The following RBFOX1 variants were observed in gnomAD, a reference collection of about 807,000 sequenced individuals.
The protein encoded by RBFOX1 is RNA binding fox-1 homolog 1.
RBFOX1 carries 8 observed loss-of-function variants against 57.7 expected under a neutral mutation model. That is an observed-to-expected ratio of 0.14 (90% CI 0.08 to 0.25). The LOEUF (loss-of-function observed/expected upper bound fraction) is 0.25, where lower values mean the gene tolerates loss of function less well. Among genes scored for constraint, RBFOX1 ranks in the 10% least tolerant of loss-of-function variants. The pLI, the probability that RBFOX1 is intolerant of heterozygous loss-of-function variation, is 1.00. For missense variants in RBFOX1, 611 were observed against 548.5 expected, an observed-to-expected ratio of 1.11 and a Z score of -1.14; for synonymous variants, 326 against 222.4, an observed-to-expected ratio of 1.47 and a Z score of -4.15.
At chr16:5,312,363 G>A (rs1159104829) in intron 1 of RBFOX1, among the ~76,000 whole-genome samples, 1 of 152,142 alleles carries the variant, frequency 6.6e-6, no homozygotes, top group African/African-American at 2.4e-5. Context: ...CTGTCACTCA[G>A]GCTGGAGTGC....
intron 1 of RBFOX1, among the ~76,000 whole-genome samples, chr16:5,360,934 A>G (rs2151337645): frequency 6.6e-6 from 1 of 152,300 alleles, no homozygotes; most frequent in South Asian, 2.1e-4. Flanking sequence ...AGAAGCCTCC[A>G]GTGCCCACGG....
At chr16:5,584,627 T>C (rs2046774868) in intron 2 of RBFOX1, among the ~76,000 whole-genome samples, 1 of 152,220 alleles carries the variant, frequency 6.6e-6, no homozygotes, top group South Asian at 2.1e-4. Context: ...CATTGTCTCC[T>C]GAGTGTGGTT....
At chr16:6,862,142 G>T (rs1307446726) in intron 3 of RBFOX1, among the ~76,000 whole-genome samples, 1 of 152,138 alleles carries the variant, frequency 6.6e-6, no homozygotes, top group African/African-American at 2.4e-5. Flanking sequence ...AACAACAAAA[G>T]AGTTTTTCAT....
chr16:6,391,439 G>A (rs1259729041), intron 2 of RBFOX1, among the ~76,000 whole-genome samples: 1 of 151,738 alleles, frequency 6.6e-6, no homozygotes, highest in Admixed American at 6.6e-5. Context: ...GAACCCGGGA[G>A]GTGGAGCTTG....
chr16:7,151,446 C>T (rs929801424), intron 4 of RBFOX1, among the ~76,000 whole-genome samples: 8 of 152,062 alleles, frequency 5.3e-5, no homozygotes, highest in South Asian at 2.1e-4. Context: ...TTTACTTGTT[C>T]GTCATCCTTC....
chr16:6,645,791 G>T (rs528488414), intron 2 of RBFOX1, among the ~76,000 whole-genome samples: 1 of 152,146 alleles, frequency 6.6e-6, no homozygotes, highest in Admixed American at 6.5e-5. Context: ...TAAGACCCTG[G>T]CGTGTATTGG....
At chr16:6,004,722 G>A (rs1354272179) in intron 4 of RBFOX1, among the ~76,000 whole-genome samples, 1 of 152,154 alleles carries the variant, frequency 6.6e-6, no homozygotes, top group East Asian at 1.9e-4. Flanking sequence ...AGGGTATATT[G>A]ATACTCGGCC....
At chr16:7,289,303 A>G (rs544451148) in intron 4 of RBFOX1, among the ~76,000 whole-genome samples, 27 of 152,290 alleles carry the variant, frequency 1.8e-4, no homozygotes, top group Admixed American at 5.2e-4. Context: ...GCCTAAGAGA[A>G]CAGGGCTGGC....
At chr16:7,111,624 A>C (rs2064793884) in intron 4 of RBFOX1, among the ~76,000 whole-genome samples, 1 of 152,158 alleles carries the variant, frequency 6.6e-6, no homozygotes, top group South Asian at 2.1e-4. Flanking sequence ...GAGTCTTAGG[A>C]GTAAATTACT....
At chr16:7,376,715 G>C (rs1165986620) in intron 4 of RBFOX1, among the ~76,000 whole-genome samples, 2 of 152,138 alleles carry the variant, frequency 1.3e-5, no homozygotes, top group African/African-American at 4.8e-5. Flanking sequence ...CAAAGTACAA[G>C]TATAATTAAT....
intron 1 of RBFOX1, among the ~76,000 whole-genome samples, chr16:5,290,966 C>G (rs1337418224): frequency 6.6e-6 from 1 of 152,166 alleles, no homozygotes; most frequent in Non-Finnish European, 1.5e-5. Flanking sequence ...TCGCAAAGTA[C>G]TGGGATTACA....
chr16:5,931,111 C>A (rs1359034861), intron 4 of RBFOX1, among the ~76,000 whole-genome samples: 1 of 152,154 alleles, frequency 6.6e-6, no homozygotes, highest in Non-Finnish European at 1.5e-5. Flanking sequence ...TTAGTACCCA[C>A]CTCTTGCTCT....
chr16:7,079,651 C>T (rs1161447005), intron 4 of RBFOX1, among the ~76,000 whole-genome samples: 2 of 152,008 alleles, frequency 1.3e-5, no homozygotes, highest in Non-Finnish European at 2.9e-5. Flanking sequence ...GAGAGACAGC[C>T]AGGAAGATGA....
intron 3 of RBFOX1, among the ~76,000 whole-genome samples, chr16:6,905,626 T>C (rs939886227): frequency 3.3e-5 from 5 of 152,014 alleles, no homozygotes; most frequent in Non-Finnish European, 5.9e-5. Flanking sequence ...TTTGTGTTTA[T>C]TCCAATTTTC....
chr16:5,919,825 C>G (rs557933558), intron 4 of RBFOX1, among the ~76,000 whole-genome samples: 1 of 152,326 alleles, frequency 6.6e-6, no homozygotes, highest in Non-Finnish European at 1.5e-5. Flanking sequence ...TCTATAGATT[C>G]ACTTTGCTGG....
chr16:7,328,437 G>A (rs995533507), intron 4 of RBFOX1, among the ~76,000 whole-genome samples: 7 of 131,598 alleles, frequency 5.3e-5, no homozygotes, highest in Admixed American at 8.5e-5. Context: ...CTGAGATCAT[G>A]CCATTGCACT....
At chr16:7,587,512 T>C (rs528019790) in intron 7 of RBFOX1, among the ~76,000 whole-genome samples, 3 of 152,122 alleles carry the variant, frequency 2.0e-5, no homozygotes, top group Non-Finnish European at 4.4e-5. Flanking sequence ...ATTGCTGTTT[T>C]ATATATATAT....
Position 7,306,199 on chromosome 16 carries a change from C to T in RBFOX1, c.28-211948C>T, listed in dbSNP as rs544439978. The stretch of plus-strand genomic sequence containing the variant: ...TTTCAAAAATACATCCATGTTTCTG[C>T]CTTCTAGATTTTTAAATTGGCTTAC... On this transcript the variant is annotated intron_variant, in intron 4 of 15. Coordinates refer to ENST00000550418, the MANE Select transcript of RBFOX1 (RefSeq NM_018723.4). 7.9e-5 allele frequency among the ~76,000 whole-genome samples: 12 copies of T among 152,002 alleles called. No individual in the cohort carries two copies. In the South Asian group the frequency reaches 2.5e-3, roughly 32 times the overall value.
chr16:5,616,219 G>A (rs1162895485), intron 3 of RBFOX1: 1 of 152,294 alleles, frequency 6.6e-6, no homozygotes, highest in African/African-American at 2.4e-5. Flanking sequence ...AAGGACCTTC[G>A]GCTTCCTGGA....
Sources: gnomAD v4.1 joint callset for allele counts (sites outside exome capture counted in the v4.1 genomes callset) on GRCh38, gnomAD v4.1.1 for gene constraint, MANE v1.5 for transcripts, NCBI Gene and HGNC (gene_info 2026-07-23, HGNC 2026-07-21) for gene names.